Variants in DLG1 observed in about 807,000 individuals in gnomAD.
DLG1 encodes the protein disks large homolog 1.
A neutral mutation model predicts 123.4 loss-of-function variants in DLG1; 42 were observed. That is an observed-to-expected ratio of 0.34 (90% CI 0.27 to 0.44). DLG1 has a LOEUF of 0.44. Ranked by LOEUF, DLG1 falls within the 20% of genes least tolerant of loss-of-function variation. DLG1 has a pLI of 1.00. For synonymous variants in DLG1, 317 were observed against 356.2 expected (o/e 0.89, Z 1.24); for missense variants, 942 against 1,082.6 (o/e 0.87, Z 1.82).
chr3:197,224,009 T>C (rs879768499), intron 4 of DLG1, among the ~76,000 whole-genome samples: 8 of 152,208 alleles, frequency 5.3e-5, no homozygotes, highest in Admixed American at 2.0e-4. Flanking sequence ...TATCCACAAA[T>C]GGTTAAGCCC....
intron 4 of DLG1, chr3:197,225,862 A>G (rs1326195570): frequency 6.6e-6 from 1 of 152,658 alleles, no homozygotes; most frequent in African/African-American, 2.4e-5. Flanking sequence ...CCCACCTTAC[A>G]TCCAAACATT....
intron 1 of DLG1, chr3:197,297,554 GTA>G: frequency 9.3e-7 from 1 of 1,076,092 alleles, no homozygotes; most frequent in South Asian, 3.1e-5. Context: ...CTGCTACTGG[GTA>G]CGGGCGGGTG....
At chr3:197,234,143 G>A (rs1298784348) in intron 4 of DLG1, among the ~76,000 whole-genome samples, 1 of 152,194 alleles carries the variant, frequency 6.6e-6, no homozygotes, top group Non-Finnish European at 1.5e-5. Flanking sequence ...ATAAGGTTTT[G>A]AACAGTGGTT....
At chr3:197,077,560 A>C (rs1198319078) in intron 17 of DLG1, among the ~76,000 whole-genome samples, 2 of 152,224 alleles carry the variant, frequency 1.3e-5, no homozygotes, top group African/African-American at 4.8e-5. Context: ...CACGTCCTTC[A>C]TAGGGAATAA....
intron 14 of DLG1, among the ~76,000 whole-genome samples, chr3:197,093,563 C>CT (rs11359811): frequency 0.4 from 58,103 of 146,344 alleles, 12,061 homozygotes; most frequent in East Asian, 0.73. Context: ...GTCATCCACG[C>CT]TTTTTTTTTT....
chr3:197,203,745 T>C (rs1417298204), intron 4 of DLG1, among the ~76,000 whole-genome samples: 1 of 152,246 alleles, frequency 6.6e-6, no homozygotes, highest in Admixed American at 6.5e-5. Flanking sequence ...CAAAACTATA[T>C]TCTTGGTTTC....
intron 7 of DLG1, among the ~76,000 whole-genome samples, chr3:197,140,561 C>A (rs1269405734): frequency 6.6e-6 from 1 of 152,186 alleles, no homozygotes; most frequent in African/African-American, 2.4e-5. Flanking sequence ...CACCCATCTG[C>A]AGAGGTGTCA....
intron 4 of DLG1, among the ~76,000 whole-genome samples, chr3:197,281,069 C>T (rs1023768930): frequency 2.0e-5 from 3 of 147,764 alleles, no homozygotes; most frequent in Middle Eastern, 3.7e-3. Flanking sequence ...TCGCCAGTCT[C>T]GCTTGTTGCC....
chr3:197,249,881 C>T (rs1426323336), intron 4 of DLG1, among the ~76,000 whole-genome samples: 4 of 152,068 alleles, frequency 2.6e-5, no homozygotes, highest in Admixed American at 2.0e-4. Context: ...TGATAAAAAC[C>T]GGTAACAAAC....
intron 5 of DLG1, among the ~76,000 whole-genome samples, chr3:197,187,097 A>G (rs1175391403): frequency 6.6e-6 from 1 of 152,234 alleles, no homozygotes; most frequent in East Asian, 1.9e-4. Context: ...GAGTGACAAG[A>G]ACACAGATTT....
intron 4 of DLG1, among the ~76,000 whole-genome samples, chr3:197,275,574 T>G (rs1211375212): frequency 6.6e-6 from 1 of 152,220 alleles, no homozygotes; most frequent in Non-Finnish European, 1.5e-5. Flanking sequence ...TAACACAGCA[T>G]GAAGTCCTGT....
chr3:197,104,528 A>G (rs1765261364), intron 14 of DLG1, among the ~76,000 whole-genome samples: 1 of 152,068 alleles, frequency 6.6e-6, no homozygotes, highest in Admixed American at 6.6e-5. Flanking sequence ...CTAAAAATAC[A>G]AAAAATTAGC....
intron 3 of DLG1, among the ~76,000 whole-genome samples, chr3:197,289,820 TCA>T (rs1408672464): frequency 3.3e-5 from 5 of 152,224 alleles, no homozygotes; most frequent in Admixed American, 3.3e-4. Context: ...TACTATTGTT[TCA>T]CACACTAAAG....
At chr3:197,229,031 C>G (rs983465971) in intron 4 of DLG1, among the ~76,000 whole-genome samples, 1 of 152,148 alleles carries the variant, frequency 6.6e-6, no homozygotes, top group Admixed American at 6.5e-5. Flanking sequence ...CCAGGGACAC[C>G]TGGCAATGTC....
intron 18 of DLG1, among the ~76,000 whole-genome samples, chr3:197,072,687 AAAAAAAAC>A (rs1199413662): frequency 6.6e-6 from 1 of 151,466 alleles, no homozygotes; most frequent in Non-Finnish European, 1.5e-5. Context: ...TCTTAAAAAA[AAAAAAAAC>A]AAAAAAACAA....
chr3:197,129,864 C>G (rs1781614631), intron 11 of DLG1, among the ~76,000 whole-genome samples: 1 of 152,000 alleles, frequency 6.6e-6, no homozygotes, highest in African/African-American at 2.4e-5. Context: ...AGCTTGCTGT[C>G]TTATATGAGT....
At chr3:197,059,867 T>C (rs1734573501) in intron 23 of DLG1, 22 bp downstream of exon 23, 7 of 1,507,720 alleles carry the variant, frequency 4.6e-6, no homozygotes, top group African/African-American at 1.4e-5. Flanking sequence ...ACAGAGGCTA[T>C]GCCTTAGGCA....
chr3:197,239,618 A>C (rs1434768434), intron 4 of DLG1, among the ~76,000 whole-genome samples: 1 of 152,134 alleles, frequency 6.6e-6, no homozygotes, highest in Non-Finnish European at 1.5e-5. Flanking sequence ...TAAAAGGATT[A>C]CACACCATGA....
chr3:197,073,222 C>T (rs144389644), intron 18 of DLG1, among the ~76,000 whole-genome samples: 7 of 152,144 alleles, frequency 4.6e-5, no homozygotes, highest in African/African-American at 1.2e-4. Context: ...ACTATGCGTA[C>T]GTCTTTAAAG....
Sources: allele counts gnomAD v4.1 joint callset (sites outside exome capture counted in the v4.1 genomes callset), GRCh38; gene constraint gnomAD v4.1.1; transcripts MANE v1.5; gene names NCBI Gene and HGNC (gene_info 2026-07-23, HGNC 2026-07-21).